The following CDK14 variants were observed in gnomAD, a reference collection of about 807,000 sequenced individuals.
The protein encoded by CDK14 is cyclin-dependent kinase 14.
CDK14 carries 34 observed loss-of-function variants against 60.7 expected under a neutral mutation model. That is an observed-to-expected ratio of 0.56 (90% CI 0.43 to 0.75). The LOEUF (loss-of-function observed/expected upper bound fraction) is 0.75, where lower values mean the gene tolerates loss of function less well. Among genes scored for constraint, CDK14 ranks in the 30% least tolerant of loss-of-function variants. The pLI, the probability that CDK14 is intolerant of heterozygous loss-of-function variation, is 0.00. For synonymous variants in CDK14, 197 were observed against 203.7 expected (o/e 0.97, Z 0.28); for missense variants, 482 against 564.1 (o/e 0.85, Z 1.47).
At chr7:90,914,242 G>C (rs1263012449) in intron 7 of CDK14, among the ~76,000 whole-genome samples, 2 of 152,120 alleles carry the variant, frequency 1.3e-5, no homozygotes, top group African/African-American at 4.8e-5. Flanking sequence ...TCTGTTTTCA[G>C]AGTGACAAGT....
At chr7:90,978,738 T>A (rs1317460971) in intron 9 of CDK14, among the ~76,000 whole-genome samples, 3 of 152,164 alleles carry the variant, frequency 2.0e-5, no homozygotes, top group African/African-American at 7.2e-5. Flanking sequence ...ACTTTAGAGA[T>A]TAAAATATCT....
chr7:90,924,487 T>C (rs1179268570), intron 8 of CDK14, among the ~76,000 whole-genome samples: 1 of 152,218 alleles, frequency 6.6e-6, no homozygotes, highest in Non-Finnish European at 1.5e-5. Context: ...CTGGCCCATC[T>C]CTTTCTCTAC....
intron 9 of CDK14, among the ~76,000 whole-genome samples, chr7:90,965,770 G>T (rs1794734952): frequency 6.6e-6 from 1 of 152,262 alleles, no homozygotes; most frequent in East Asian, 1.9e-4. Flanking sequence ...TTGGCTAACT[G>T]TATATCATTA....
intron 4 of CDK14, among the ~76,000 whole-genome samples, chr7:90,786,300 C>T (rs1243072533): frequency 4.6e-5 from 7 of 152,146 alleles, no homozygotes; most frequent in Non-Finnish European, 1.0e-4. Flanking sequence ...TCTCCACTGG[C>T]AATCAAGCCC....
chr7:90,692,642 CG>C, intron 2 of CDK14: 1 of 970,292 alleles, frequency 1.0e-6, no homozygotes, highest in Non-Finnish European at 1.2e-6. Flanking sequence ...ACTATGCTGG[CG>C]GGCCATGATG....
intron 14 of CDK14, among the ~76,000 whole-genome samples, chr7:91,173,443 T>A (rs803177): frequency 6.6e-4 from 100 of 150,796 alleles, no homozygotes; most frequent in African/African-American, 2.1e-3. Context: ...AAAAAAAAGG[T>A]GGGGAGGAGC....
At chr7:90,974,761 A>G (rs1188372559) in intron 9 of CDK14, among the ~76,000 whole-genome samples, 1 of 152,180 alleles carries the variant, frequency 6.6e-6, no homozygotes, top group African/African-American at 2.4e-5. Context: ...CATCAAATGC[A>G]GATTTTTTTA....
intron 4 of CDK14, among the ~76,000 whole-genome samples, chr7:90,777,016 TAAAA>T (rs11370384): frequency 2.7e-5 from 4 of 147,952 alleles, no homozygotes; most frequent in East Asian, 3.9e-4. Context: ...CGAAGTTAGT[TAAAA>T]AAAAAAAAAA....
rs565405818 is a variant in CDK14 at position 90,789,342 on chromosome 7, A to G, written c.465-1231A>G. Among the ~76,000 whole-genome samples the G allele has an allele frequency of 8.5e-5, 13 of 152,222 alleles. No individual in the cohort carries two copies. In the South Asian group the frequency reaches 1.2e-3, roughly 15 times the overall value. On this transcript the variant is annotated intron_variant, in intron 4 of 14. Coordinates refer to ENST00000380050, the MANE Select transcript of CDK14 (RefSeq NM_001287135.2). ...CTGTATTGTATACCACTATTTGTGT[A>G]TGTGTGTATATTTATGTGTATATAT...
intron 9 of CDK14, among the ~76,000 whole-genome samples, chr7:90,962,812 G>C (rs1794639431): frequency 6.6e-6 from 1 of 152,098 alleles, no homozygotes; most frequent in Admixed American, 6.6e-5. Context: ...GGTGCATTCA[G>C]CTGCCTCACT....
At position 90,858,303 on chromosome 7, in the gene CDK14, G is replaced by A. The variant is rs541619829; in HGVS notation, c.545-4872G>A. Reference sequence around the variant, plus strand: ...ACAAACACAGTAGGAAATGATGGGTGTGAAGATATTACTTTGAGAAGTGAG... The same window carrying A: ...ACAAACACAGTAGGAAATGATGGGTATGAAGATATTACTTTGAGAAGTGAG... On this transcript the variant is annotated intron_variant, in intron 5 of 14. Coordinates refer to ENST00000380050, the MANE Select transcript of CDK14 (RefSeq NM_001287135.2). 9.1e-4 allele frequency among the ~76,000 whole-genome samples: 138 copies of A among 152,298 alleles called. 3 individuals carry two copies. In the South Asian group the frequency reaches 0.026, roughly 29 times the overall value.
At chr7:91,142,998 C>T (rs1800513278) in intron 14 of CDK14, among the ~76,000 whole-genome samples, 3 of 152,100 alleles carry the variant, frequency 2.0e-5, no homozygotes. Context: ...GGATGATTCA[C>T]CCAAGGTAAA....
chr7:90,735,229 T>A (rs1803043495), intron 3 of CDK14, among the ~76,000 whole-genome samples: 1 of 152,166 alleles, frequency 6.6e-6, no homozygotes, highest in Non-Finnish European at 1.5e-5. Flanking sequence ...AGAATTATCC[T>A]GTATGAGTTT....
intron 5 of CDK14, among the ~76,000 whole-genome samples, chr7:90,822,808 C>T (rs936505881): frequency 1.3e-5 from 2 of 152,084 alleles, no homozygotes; most frequent in Non-Finnish European, 2.9e-5. Flanking sequence ...TGTAGTAACT[C>T]GTGGAAGGGG....
chr7:90,810,923 CT>C (rs1789074151), intron 5 of CDK14, among the ~76,000 whole-genome samples: 1 of 151,908 alleles, frequency 6.6e-6, no homozygotes, highest in African/African-American at 2.4e-5. Context: ...CGTGAAGGAC[CT>C]CTTCAAGGAG....
rs200795779 is a variant in CDK14, at chr7:90,747,767, G to A, written c.456G>A (p.Gly152=). 11 of 1,553,956 alleles carry A rather than the reference G, an allele frequency of 7.1e-6. No individual in the cohort carries two copies. The highest frequency in any genetic ancestry group is 9.5e-6 in the Non-Finnish European group (11 of 1,153,850). ...GEGSYATVYK[G]KSKVNGKLVA... ...GATCTTATGCTACAGTATACAAAGG[G>A]AAAAGCAAGTAAGTTCATTATTTTT... The change falls in exon 4 of 15, where the codon GGG becomes GGA. Residue 152 remains glycine (G), a synonymous_variant. Coordinates refer to ENST00000380050, the MANE Select transcript of CDK14 (RefSeq NM_001287135.2).
At chr7:90,748,068 G>A (rs1803667375) in intron 4 of CDK14, among the ~76,000 whole-genome samples, 1 of 151,988 alleles carries the variant, frequency 6.6e-6, no homozygotes, top group Non-Finnish European at 1.5e-5. Context: ...TTCATTTCCA[G>A]GTGAATTATG....
At chr7:90,935,238 C>G (rs370963805) in intron 8 of CDK14, among the ~76,000 whole-genome samples, 2 of 152,258 alleles carry the variant, frequency 1.3e-5, no homozygotes, top group South Asian at 2.1e-4. Context: ...CTCTCATAAC[C>G]TGATCAGATT....
intron 10 of CDK14, among the ~76,000 whole-genome samples, chr7:90,996,962 A>G (rs1795703750): frequency 6.6e-6 from 1 of 152,196 alleles, no homozygotes; most frequent in African/African-American, 2.4e-5. Flanking sequence ...TTAGAGACAC[A>G]TATGGTGCTA....
Sources: allele counts gnomAD v4.1 joint callset (sites outside exome capture counted in the v4.1 genomes callset), GRCh38; gene constraint gnomAD v4.1.1; transcripts MANE v1.5; gene names NCBI Gene and HGNC (gene_info 2026-07-23, HGNC 2026-07-21).